The following C16orf89 variants were observed in gnomAD, a reference collection of about 807,000 sequenced individuals.
C16orf89 encodes chromosome 16 open reading frame 89, also known as UPF0764 protein C16orf89.
In C16orf89, 57 loss-of-function variants were observed where a neutral mutation model predicts 41.5. The ratio of observed to expected loss-of-function variants is 1.38; its 90% CI spans 1.11 to 1.71. C16orf89 has a LOEUF of 1.71. Ranked by LOEUF, C16orf89 falls within the 40% of genes most tolerant of loss-of-function variation. C16orf89 has a pLI of 0.00. For synonymous variants in C16orf89, 223 were observed against 190.6 expected (o/e 1.17, Z -1.40); for missense variants, 575 against 445.9 (o/e 1.29, Z -2.61).
At chr16:5,045,818 C>T (rs1199869555) in intron 7 of C16orf89, among the ~76,000 whole-genome samples, 4 of 152,198 alleles carry the variant, frequency 2.6e-5, no homozygotes, top group Non-Finnish European at 5.9e-5. Context: ...ACACCAGCTG[C>T]CTCCTGCTCC....
intron 6 of C16orf89, among the ~76,000 whole-genome samples, chr16:5,051,799 G>A (rs564673583): frequency 9.9e-4 from 150 of 152,262 alleles, no homozygotes; most frequent in African/African-American, 3.5e-3. Context: ...ATGCTTCAAG[G>A]CTATAGGAAA....
chr16:5,049,661 A>G (rs1233211437), intron 6 of C16orf89, among the ~76,000 whole-genome samples: 1 of 152,198 alleles, frequency 6.6e-6, no homozygotes, highest in African/African-American at 2.4e-5. Context: ...ACAAGTGAAA[A>G]TAGAAACACA....
intron 3 of C16orf89, 36 bp from the exon 4 acceptor site, chr16:5,058,646 G>C: frequency 6.6e-7 from 1 of 1,522,952 alleles, no homozygotes; most frequent in Non-Finnish European, 9.1e-7. Context: ...TAAGGATGGA[G>C]CGCTGACTCT....
At chr16:5,055,078 C>T (rs529314699) in intron 6 of C16orf89, among the ~76,000 whole-genome samples, 168 bp downstream of exon 6, 4 of 152,158 alleles carry the variant, frequency 2.6e-5, no homozygotes, top group South Asian at 2.1e-4. Context: ...TCCAAGGCTC[C>T]GAGCCCGTTT....
chr16:5,065,768 G>A lies in C16orf89; in HGVS notation c.141C>T (p.Thr47=), dbSNP rs577603653. 413 of 1,614,118 alleles carry A rather than the reference G, an allele frequency of 2.6e-4. 1 individual carries two copies. The highest frequency in any genetic ancestry group is 3.1e-4 in the Non-Finnish European group (368 of 1,179,948). Residue 47 remains threonine, a synonymous_variant, in exon 1 of 8, where the codon ACC becomes ACT. Transcript: ENST00000472572. Reference sequence around the variant, plus strand: ...CAGGCAGCCTCTGTTCTAGGAAGACGGTGGCTCTCTCCAGCGCAGACAGGA... The same window carrying A: ...CAGGCAGCCTCTGTTCTAGGAAGACAGTGGCTCTCTCCAGCGCAGACAGGA... ...DLILSALERA[T]VFLEQRLPEI...
At chr16:5,063,347 G>C (rs1355254665) in intron 1 of C16orf89, among the ~76,000 whole-genome samples, 2 of 152,174 alleles carry the variant, frequency 1.3e-5, no homozygotes, top group African/African-American at 4.8e-5. Context: ...CCGCAGGGAA[G>C]AAGTAAAGGC....
intron 5 of C16orf89, chr16:5,055,674 G>C: frequency 6.5e-7 from 1 of 1,533,716 alleles, no homozygotes; most frequent in South Asian, 1.2e-5. Context: ...TTGTGGGTCT[G>C]TCTGCCAGTC....
chr16:5,055,554 T>G (rs1223216770), intron 5 of C16orf89: 1 of 1,078,612 alleles, frequency 9.3e-7, no homozygotes, highest in African/African-American at 1.6e-5. Flanking sequence ...CGCCTCCCAC[T>G]GAGGGCCTTG....
intron 5 of C16orf89, chr16:5,055,588 A>G: frequency 7.9e-7 from 1 of 1,272,810 alleles, no homozygotes; most frequent in Non-Finnish European, 1.1e-6. Context: ...CAAAGTCAGG[A>G]TCAGTGGAGG....
At chr16:5,064,562 G>A (rs2142683739) in intron 1 of C16orf89, among the ~76,000 whole-genome samples, 1 of 152,332 alleles carries the variant, frequency 6.6e-6, no homozygotes, top group South Asian at 2.1e-4. Flanking sequence ...GCCAGTTGGG[G>A]GAGATCCAGG....
At chr16:5,055,817 A>C in intron 5 of C16orf89, 1 of 1,407,924 alleles carries the variant, frequency 7.1e-7, no homozygotes. Flanking sequence ...ATAATTTTTG[A>C]GTGTAAGTAT....
rs35641084 is a variant in C16orf89 at position 5,052,099 on chromosome 16, CAAAA to C, written c.868+3143_868+3146del. On this transcript the variant is annotated intron_variant, in intron 6 of 7. Transcript: ENST00000472572. ...CCTGGGTGACAGAACGAGACTGTCT[CAAAA>C]AAAAAAAAAAAAAAAAAGAAGGAAA... is the stretch of plus-strand genomic sequence containing the variant. 1.0e-4 allele frequency among the ~76,000 whole-genome samples: 8 copies of C among 78,682 alleles called. No homozygotes were observed. In the South Asian group the frequency reaches 1.3e-3, roughly 13 times the overall value. 51.6% of individuals were successfully genotyped at this position (78,682 alleles called of 152,430 possible).
chr16:5,060,715 A>C (rs1313880127), intron 2 of C16orf89, among the ~76,000 whole-genome samples: 1 of 152,132 alleles, frequency 6.6e-6, no homozygotes, highest in African/African-American at 2.4e-5. Context: ...TAAAAGGTTT[A>C]GTTTCCCAGG....
At chr16:5,050,646 C>A (rs1956378940) in intron 6 of C16orf89, among the ~76,000 whole-genome samples, 1 of 152,140 alleles carries the variant, frequency 6.6e-6, no homozygotes, top group Non-Finnish European at 1.5e-5. Flanking sequence ...ACAAGTTCAG[C>A]ATTACCCCAA....
intron 1 of C16orf89, 118 bp downstream of exon 1, chr16:5,065,583 G>A (rs1352006990): frequency 5.8e-6 from 7 of 1,209,652 alleles, no homozygotes; most frequent in Admixed American, 5.1e-5. Flanking sequence ...CCTTATAGCC[G>A]AGGCAGGCTA....
chr16:5,058,293 A>G (rs1948969467), intron 4 of C16orf89, among the ~76,000 whole-genome samples, 200 bp downstream of exon 4: 1 of 151,512 alleles, frequency 6.6e-6, no homozygotes, highest in Admixed American at 6.6e-5. Context: ...ACGTCCAGCT[A>G]ATTTTTTTTT....
intron 4 of C16orf89, among the ~76,000 whole-genome samples, chr16:5,057,343 G>GGTATATATAGTGATTATATATATCGTGAT (rs1956531468): frequency 6.9e-6 from 1 of 144,760 alleles, no homozygotes; most frequent in Non-Finnish European, 1.5e-5. Flanking sequence ...TATATATAGT[G>GGTATATATAGTGATTATATATATCGTGAT]GTATATATAG....
chr16:5,057,414 C>CAT (rs968704226), intron 4 of C16orf89, among the ~76,000 whole-genome samples: 17 of 143,462 alleles, frequency 1.2e-4, no homozygotes, highest in Admixed American at 2.8e-4. Flanking sequence ...TATATAGTGG[C>CAT]ATATATATAT....
intron 5 of C16orf89, chr16:5,055,812 T>G: frequency 7.0e-7 from 1 of 1,429,900 alleles, no homozygotes; most frequent in Non-Finnish European, 9.5e-7. Flanking sequence ...TGAATATAAT[T>G]TTTGAGTGTA....
Sources: allele counts gnomAD v4.1 joint callset (sites outside exome capture counted in the v4.1 genomes callset), GRCh38; gene constraint gnomAD v4.1.1; transcripts MANE v1.5; gene names NCBI Gene and HGNC (gene_info 2026-07-23, HGNC 2026-07-21).